The following CSMD1 variants were observed in gnomAD, a reference collection of about 807,000 sequenced individuals.
The protein encoded by CSMD1 is CUB and Sushi multiple domains 1, also known as CUB and sushi domain-containing protein 1.
A neutral mutation model predicts 417.5 loss-of-function variants in CSMD1; 213 were observed. The ratio of observed to expected loss-of-function variants is 0.51; its 90% CI spans 0.46 to 0.57. The LOEUF is 0.57. Among genes scored for constraint, CSMD1 ranks in the 20% least tolerant of loss-of-function variants. The pLI, the probability that CSMD1 is intolerant of heterozygous loss-of-function variation, is 0.00. For missense variants in CSMD1, 6,923 were observed against 4,529.7 expected, an observed-to-expected ratio of 1.53 and a Z score of -15.17; for synonymous variants, 2,862 against 1,736.8, an observed-to-expected ratio of 1.65 and a Z score of -16.11.
chr8:3,437,910 G>A (rs2117046879), intron 12 of CSMD1, among the ~76,000 whole-genome samples: 1 of 152,128 alleles, frequency 6.6e-6, no homozygotes, highest in South Asian at 2.1e-4. Context: ...ACCAGGCCTG[G>A]CTAATTCTTT....
intron 1 of CSMD1, among the ~76,000 whole-genome samples, chr8:4,674,017 G>T (rs574451416): frequency 1.3e-5 from 2 of 152,118 alleles, no homozygotes; most frequent in Non-Finnish European, 2.9e-5. Flanking sequence ...CAAATCTTAC[G>T]GTATGAGAAG....
At chr8:3,518,814 T>C (rs373445686) in intron 10 of CSMD1, among the ~76,000 whole-genome samples, 1 of 152,162 alleles carries the variant, frequency 6.6e-6, no homozygotes, top group African/African-American at 2.4e-5. Context: ...ATGCAAACTT[T>C]CTATAAATCA....
intron 3 of CSMD1, among the ~76,000 whole-genome samples, chr8:4,113,309 A>G (rs59716096): frequency 0.27 from 40,950 of 151,536 alleles, 5,874 homozygotes; most frequent in Middle Eastern, 0.41. Flanking sequence ...TGAGAAAGAC[A>G]TGTCAAAAAA....
intron 54 of CSMD1, among the ~76,000 whole-genome samples, chr8:2,992,544 CT>C (rs1349425706): frequency 9.9e-5 from 15 of 151,944 alleles, no homozygotes; most frequent in African/African-American, 3.6e-4. Flanking sequence ...CTGCCTCAGC[CT>C]TCTGAGTAGC....
chr8:3,030,630 G>A (rs1340860034), intron 50 of CSMD1, among the ~76,000 whole-genome samples: 2 of 151,946 alleles, frequency 1.3e-5, no homozygotes, highest in Middle Eastern at 3.4e-3. Context: ...GGATACAGAT[G>A]TCCACCACCA....
chr8:4,383,556 A>C (rs1293848490), intron 3 of CSMD1, among the ~76,000 whole-genome samples: 1 of 152,180 alleles, frequency 6.6e-6, no homozygotes, highest in African/African-American at 2.4e-5. Flanking sequence ...AGAAGCATTT[A>C]TAAACCTCAA....
At chr8:4,712,213 C>T (rs1269078913) in intron 1 of CSMD1, among the ~76,000 whole-genome samples, 1 of 152,192 alleles carries the variant, frequency 6.6e-6, no homozygotes, top group Non-Finnish European at 1.5e-5. Flanking sequence ...TAGCTCTTGA[C>T]CTCTACTCAT....
chr8:4,315,689 A>C (rs1798880868), intron 3 of CSMD1, among the ~76,000 whole-genome samples: 1 of 152,212 alleles, frequency 6.6e-6, no homozygotes, highest in South Asian at 2.1e-4. Flanking sequence ...ATTATAAAAT[A>C]GCCATTGAAG....
At chr8:3,796,831 T>A (rs1226552329) in intron 5 of CSMD1, among the ~76,000 whole-genome samples, 1 of 151,484 alleles carries the variant, frequency 6.6e-6, no homozygotes, top group Non-Finnish European at 1.5e-5. Context: ...GAGATAAGCT[T>A]AAAGCTAGGC....
chr8:3,364,300 G>A (rs1809404919), intron 20 of CSMD1, among the ~76,000 whole-genome samples: 1 of 152,102 alleles, frequency 6.6e-6, no homozygotes, highest in Admixed American at 6.5e-5. Context: ...AATCCAAAGT[G>A]TTGTCTTTTG....
chr8:3,119,407 A>C (rs1817062590), intron 41 of CSMD1, among the ~76,000 whole-genome samples: 1 of 134,336 alleles, frequency 7.4e-6, no homozygotes. Flanking sequence ...AAAAAAAAAA[A>C]AAAAACACTG....
chr8:4,200,802 G>A (rs936064351), intron 3 of CSMD1, among the ~76,000 whole-genome samples: 2 of 152,188 alleles, frequency 1.3e-5, no homozygotes, highest in Admixed American at 6.5e-5. Context: ...AGGCTTCAGT[G>A]AACTATTGTT....
chr8:4,921,507 T>C (rs1025427721), intron 1 of CSMD1, among the ~76,000 whole-genome samples: 3 of 152,260 alleles, frequency 2.0e-5, no homozygotes, highest in African/African-American at 7.2e-5. Context: ...AAGTTTGTGA[T>C]GTTGGAATCA....
chr8:3,077,474 G>C (rs879662416), intron 49 of CSMD1, among the ~76,000 whole-genome samples: 2 of 152,206 alleles, frequency 1.3e-5, no homozygotes, highest in Non-Finnish European at 2.9e-5. Context: ...TCCAGCCTCA[G>C]AGCAAAGCAC....
chr8:4,884,758 T>A (rs1196209582), intron 1 of CSMD1, among the ~76,000 whole-genome samples: 1 of 152,054 alleles, frequency 6.6e-6, no homozygotes, highest in Non-Finnish European at 1.5e-5. Context: ...TGCAACTCTG[T>A]CTTATTGCGG....
chr8:3,130,608 A>C (rs924547521), intron 41 of CSMD1, among the ~76,000 whole-genome samples: 3 of 151,902 alleles, frequency 2.0e-5, no homozygotes, highest in Non-Finnish European at 4.4e-5. Context: ...TTCCGCTCCC[A>C]GTGCACCAGC....
At chr8:4,704,031 T>A (rs1807755224) in intron 1 of CSMD1, among the ~76,000 whole-genome samples, 1 of 152,182 alleles carries the variant, frequency 6.6e-6, no homozygotes, top group Admixed American at 6.6e-5. Flanking sequence ...ACGAGGCGGA[T>A]CTCAGGCAGT....
intron 7 of CSMD1, among the ~76,000 whole-genome samples, chr8:3,677,461 G>A (rs1271609311): frequency 6.6e-6 from 1 of 152,184 alleles, no homozygotes; most frequent in East Asian, 1.9e-4. Flanking sequence ...AAAGTCCTGG[G>A]TGAATGCACA....
At chr8:3,939,568 C>A (rs1810738223) in intron 5 of CSMD1, among the ~76,000 whole-genome samples, 1 of 152,104 alleles carries the variant, frequency 6.6e-6, no homozygotes, top group Admixed American at 6.6e-5. Flanking sequence ...CATGCACAAG[C>A]ATGTTTATAG....
Sources: gnomAD v4.1 joint callset for allele counts (sites outside exome capture counted in the v4.1 genomes callset) on GRCh38, gnomAD v4.1.1 for gene constraint, MANE v1.5 for transcripts, NCBI Gene and HGNC (gene_info 2026-07-23, HGNC 2026-07-21) for gene names.